THSD7A: variants seen among roughly 807,000 people sequenced by gnomAD.
THSD7A encodes the protein thrombospondin type 1 domain containing 7A.
In THSD7A, 96 loss-of-function variants were observed where a neutral mutation model predicts 231.3. That is an observed-to-expected ratio of 0.41 (90% CI 0.35 to 0.49). THSD7A has a LOEUF of 0.49. Among genes scored for constraint, THSD7A ranks in the 20% least tolerant of loss-of-function variants. The pLI is 0.05. For missense variants in THSD7A, 2,290 were observed against 2,070.2 expected, an observed-to-expected ratio of 1.11 and a Z score of -2.06; for synonymous variants, 940 against 743.3, an observed-to-expected ratio of 1.26 and a Z score of -4.30.
At position 11,412,800 on chromosome 7, in the gene THSD7A, G is replaced by A; in HGVS notation, c.3538C>T (p.Pro1180Ser). ...EWGPWTQCVL[P>S]CNQSSFRQRS... ...TGCCGGAAACTGCTTTGATTGCAAG[G>A]CTTAAAAAGAACAGTACAAATTCTC... The change falls in exon 18 of 28, where the codon CCT becomes TCT. Residue 1180 changes from proline (P) to serine (S), a missense_variant and splice_region_variant. By Grantham distance (74) the Pro-to-Ser change is moderately conservative. Transcript: ENST00000423059. 1.2e-6 allele frequency: 2 copies of A among 1,610,162 alleles called. No individual in the cohort carries two copies. Among genetic ancestry groups the A allele is most frequent in the Non-Finnish European group, 1.7e-6 (2 of 1,177,886 alleles).
intron 1 of THSD7A, among the ~76,000 whole-genome samples, chr7:11,721,881 G>A (rs1476278033): frequency 1.3e-5 from 2 of 151,742 alleles, no homozygotes; most frequent in East Asian, 3.9e-4. Context: ...AACTTCATTT[G>A]GAATCTTCCT....
chr7:11,616,197 T>C (rs1294814903), intron 2 of THSD7A, among the ~76,000 whole-genome samples: 11 of 152,314 alleles, frequency 7.2e-5, no homozygotes, highest in Non-Finnish European at 1.6e-4. Context: ...ATTTTCAACA[T>C]TATTAATGTC....
At chr7:11,764,917 G>A (rs1278522384) in intron 1 of THSD7A, among the ~76,000 whole-genome samples, 1 of 152,062 alleles carries the variant, frequency 6.6e-6, no homozygotes, top group Non-Finnish European at 1.5e-5. Context: ...AGGCTAATCT[G>A]TCAAACTCTA....
intron 1 of THSD7A, chr7:11,751,456 C>T (rs1256234727): frequency 2.6e-5 from 4 of 152,016 alleles, no homozygotes; most frequent in African/African-American, 9.7e-5. Flanking sequence ...TTCTCTTCCC[C>T]TTTAAATTTT....
chr7:11,654,592 T>C (rs974844375), intron 1 of THSD7A, among the ~76,000 whole-genome samples: 2 of 151,990 alleles, frequency 1.3e-5, no homozygotes, highest in African/African-American at 4.8e-5. Flanking sequence ...TATAAATTTC[T>C]CCTTCGATAT....
intron 11 of THSD7A, among the ~76,000 whole-genome samples, chr7:11,459,465 T>C (rs1387655188): frequency 1.3e-5 from 2 of 152,106 alleles, no homozygotes; most frequent in African/African-American, 4.8e-5. Context: ...CTTTCAGTTC[T>C]ATATACTTAA....
At chr7:11,623,831 T>C (rs987800165) in intron 2 of THSD7A, among the ~76,000 whole-genome samples, 2 of 152,170 alleles carry the variant, frequency 1.3e-5, no homozygotes, top group African/African-American at 2.4e-5. Context: ...GGATCAGCTT[T>C]AGTGTTCTGG....
intron 1 of THSD7A, among the ~76,000 whole-genome samples, chr7:11,753,544 TTCTC>T (rs35547018): frequency 0.01 from 1,425 of 141,638 alleles, 13 homozygotes; most frequent in African/African-American, 0.023. Flanking sequence ...ATGCAGCCCT[TTCTC>T]TCTCTCTCTC....
chr7:11,647,480 A>G (rs771704186), intron 1 of THSD7A, among the ~76,000 whole-genome samples: 4 of 152,088 alleles, frequency 2.6e-5, no homozygotes, highest in Admixed American at 6.6e-5. Context: ...TAAGCCTCTA[A>G]TAGGCAATAC....
chr7:11,638,712 A>G (rs1057068233), intron 1 of THSD7A, among the ~76,000 whole-genome samples: 1 of 152,146 alleles, frequency 6.6e-6, no homozygotes, highest in Non-Finnish European at 1.5e-5. Flanking sequence ...TAAGGGATAT[A>G]AAATACTCAA....
chr7:11,561,859 AT>A, intron 4 of THSD7A, among the ~76,000 whole-genome samples: 1 of 152,160 alleles, frequency 6.6e-6, no homozygotes, highest in Non-Finnish European at 1.5e-5. Flanking sequence ...AAAAAATAAA[AT>A]AAAATAAATA....
At chr7:11,779,186 GA>G (rs2128173994) in intron 1 of THSD7A, among the ~76,000 whole-genome samples, 1 of 152,224 alleles carries the variant, frequency 6.6e-6, no homozygotes, top group East Asian at 1.9e-4. Context: ...CTTTTAATTA[GA>G]AAAGAGTATT....
intron 4 of THSD7A, among the ~76,000 whole-genome samples, chr7:11,557,449 G>C (rs182646890): frequency 1.7e-4 from 26 of 152,086 alleles, no homozygotes; most frequent in African/African-American, 5.8e-4. Flanking sequence ...CATCATCTCA[G>C]TGTTGGCTGC....
At chr7:11,720,433 G>A (rs1781309305) in intron 1 of THSD7A, among the ~76,000 whole-genome samples, 1 of 151,638 alleles carries the variant, frequency 6.6e-6, no homozygotes, top group South Asian at 2.1e-4. Flanking sequence ...ATTTATTGAT[G>A]ATCACCATTC....
intron 14 of THSD7A, 78 bp downstream of exon 14, chr7:11,428,869 C>G: frequency 1.4e-6 from 2 of 1,480,056 alleles, no homozygotes; most frequent in Non-Finnish European, 1.8e-6. Context: ...CTATTATTTC[C>G]TCTTCTCCAT....
chr7:11,757,894 T>C (rs1436555225), intron 1 of THSD7A, among the ~76,000 whole-genome samples: 1 of 151,200 alleles, frequency 6.6e-6, no homozygotes, highest in East Asian at 1.9e-4. Context: ...GAACATAGGC[T>C]TAATTAAAAA....
chr7:11,597,052 A>C (rs1022945311), intron 2 of THSD7A, among the ~76,000 whole-genome samples: 1 of 152,230 alleles, frequency 6.6e-6, no homozygotes, highest in African/African-American at 2.4e-5. Context: ...ACACTGGTCC[A>C]TTACATTGAT....
intron 2 of THSD7A, among the ~76,000 whole-genome samples, chr7:11,609,959 G>A (rs921650734): frequency 1.3e-5 from 2 of 152,010 alleles, no homozygotes; most frequent in Non-Finnish European, 2.9e-5. Context: ...AAATTAGGGA[G>A]AGAAGCATTT....
chr7:11,394,184 C>A (rs185779155), intron 23 of THSD7A, among the ~76,000 whole-genome samples: 1 of 152,208 alleles, frequency 6.6e-6, no homozygotes, highest in African/African-American at 2.4e-5. Flanking sequence ...AGAAATCCTA[C>A]GAGCCAGAAG....
Sources: allele counts gnomAD v4.1 joint callset (sites outside exome capture counted in the v4.1 genomes callset), GRCh38; gene constraint gnomAD v4.1.1; transcripts MANE v1.5; gene names NCBI Gene and HGNC (gene_info 2026-07-23, HGNC 2026-07-21).